Variants in CTNNA3 observed in about 807,000 individuals in gnomAD.
CTNNA3 encodes the protein catenin alpha-3.
In CTNNA3, 76 loss-of-function variants were observed where a neutral mutation model predicts 95.7. The ratio of observed to expected loss-of-function variants is 0.79; its 90% CI spans 0.66 to 0.96. The LOEUF (loss-of-function observed/expected upper bound fraction) is 0.96, where lower values mean the gene tolerates loss of function less well. Ranked by LOEUF, CTNNA3 falls within the 40% of genes least tolerant of loss-of-function variation. CTNNA3 has a pLI of 0.00. For synonymous variants in CTNNA3, 431 were observed against 374.4 expected (o/e 1.15, Z -1.74); for missense variants, 1,191 against 1,089.8 (o/e 1.09, Z -1.31).
intron 15 of CTNNA3, among the ~76,000 whole-genome samples, chr10:66,028,634 T>C (rs1281840159): frequency 2.6e-5 from 4 of 152,014 alleles, no homozygotes; most frequent in Non-Finnish European, 5.9e-5. Context: ...TTAGGAGATA[T>C]ACCTAATGTA....
intron 13 of CTNNA3, among the ~76,000 whole-genome samples, chr10:66,206,693 T>G (rs1589729467): frequency 6.6e-6 from 1 of 151,942 alleles, no homozygotes; most frequent in African/African-American, 2.4e-5. Context: ...ATCTACACTC[T>G]TAGAAGATTT....
chr10:66,384,443 A>T (rs1419705414), intron 11 of CTNNA3, among the ~76,000 whole-genome samples: 1 of 152,190 alleles, frequency 6.6e-6, no homozygotes, highest in East Asian at 1.9e-4. Flanking sequence ...TCATAAAGCA[A>T]GTCCTTAGAG....
chr10:66,351,545 T>G (rs771072470), intron 12 of CTNNA3, among the ~76,000 whole-genome samples: 2 of 152,082 alleles, frequency 1.3e-5, no homozygotes, highest in East Asian at 3.8e-4. Flanking sequence ...ATGAGATTCA[T>G]AATTTTACTG....
At chr10:66,983,008 A>C (rs911175957) in intron 7 of CTNNA3, among the ~76,000 whole-genome samples, 1 of 152,188 alleles carries the variant, frequency 6.6e-6, no homozygotes, top group Non-Finnish European at 1.5e-5. Context: ...GAAATGCACT[A>C]ATGAGCAGAA....
intron 7 of CTNNA3, among the ~76,000 whole-genome samples, chr10:66,793,901 A>G (rs564251435): frequency 2.0e-5 from 3 of 152,248 alleles, no homozygotes; most frequent in South Asian, 4.1e-4. Context: ...TCCATACTGG[A>G]ATTATATCAG....
intron 10 of CTNNA3, among the ~76,000 whole-genome samples, chr10:66,595,190 G>A (rs193261576): frequency 1.7e-4 from 26 of 151,978 alleles, no homozygotes; most frequent in Non-Finnish European, 2.9e-4. Context: ...AAGAATAGAC[G>A]CATTAAAAAG....
At chr10:66,677,516 A>G (rs1411926710) in intron 9 of CTNNA3, among the ~76,000 whole-genome samples, 1 of 152,096 alleles carries the variant, frequency 6.6e-6, no homozygotes, top group African/African-American at 2.4e-5. Context: ...TAGCACCCAT[A>G]ATTCCCACAT....
At chr10:66,870,744 T>C (rs1173292502) in intron 7 of CTNNA3, among the ~76,000 whole-genome samples, 5 of 152,196 alleles carry the variant, frequency 3.3e-5, no homozygotes, top group Admixed American at 6.5e-5. Context: ...ACTAAGTGTA[T>C]CAGAAGCCAT....
intron 11 of CTNNA3, among the ~76,000 whole-genome samples, chr10:66,396,498 C>A (rs1295398442): frequency 2.0e-5 from 3 of 152,014 alleles, no homozygotes; most frequent in African/African-American, 7.2e-5. Context: ...TGGGCATCCA[C>A]ATGAAAGTGA....
chr10:66,108,148 T>A (rs554783803), intron 13 of CTNNA3, among the ~76,000 whole-genome samples: 1 of 151,948 alleles, frequency 6.6e-6, no homozygotes, highest in Non-Finnish European at 1.5e-5. Context: ...AATGGAGAGA[T>A]CACAATTAAA....
intron 13 of CTNNA3, among the ~76,000 whole-genome samples, chr10:66,270,232 G>C (rs879816179): frequency 4.6e-5 from 7 of 151,204 alleles, no homozygotes; most frequent in Non-Finnish European, 7.4e-5. Context: ...TTTGGGGGGG[G>C]GGGCAGGGTC....
At chr10:67,628,595 T>C (rs1261922003) in intron 2 of CTNNA3, among the ~76,000 whole-genome samples, 1 of 152,176 alleles carries the variant, frequency 6.6e-6, no homozygotes, top group Non-Finnish European at 1.5e-5. Flanking sequence ...TATTAAATTA[T>C]ATGGGAAGAA....
chr10:66,600,198 G>C (rs908913164), intron 10 of CTNNA3, among the ~76,000 whole-genome samples: 1 of 151,648 alleles, frequency 6.6e-6, no homozygotes, highest in African/African-American at 2.4e-5. Flanking sequence ...CCGATATTCA[G>C]AAAAATGGTT....
chr10:67,048,490 A>G (rs1335086929), intron 7 of CTNNA3, among the ~76,000 whole-genome samples: 1 of 152,142 alleles, frequency 6.6e-6, no homozygotes, highest in African/African-American at 2.4e-5. Context: ...GCAAAATAGG[A>G]ATACAGGAAA....
intron 13 of CTNNA3, among the ~76,000 whole-genome samples, chr10:66,136,603 T>C (rs1480561596): frequency 6.6e-6 from 1 of 152,118 alleles, no homozygotes; most frequent in Non-Finnish European, 1.5e-5. Context: ...ATCAGTATCA[T>C]AAACCATGTT....
chr10:66,154,807 C>T (rs2084404142), intron 13 of CTNNA3, among the ~76,000 whole-genome samples: 1 of 145,018 alleles, frequency 6.9e-6, no homozygotes, highest in South Asian at 2.2e-4. Flanking sequence ...TTAACACTCA[C>T]TAGAAAGCAA....
chr10:67,434,131 T>C (rs935466687), intron 5 of CTNNA3, among the ~76,000 whole-genome samples: 3 of 152,202 alleles, frequency 2.0e-5, no homozygotes, highest in Admixed American at 1.3e-4. Context: ...GACTATTTTT[T>C]AATATATTCC....
intron 1 of CTNNA3, among the ~76,000 whole-genome samples, chr10:67,727,268 G>A (rs1306840858): frequency 7.8e-6 from 1 of 128,052 alleles, no homozygotes; most frequent in Non-Finnish European, 1.6e-5. Flanking sequence ...TATGTAAACT[G>A]TACCTTCCTC....
chr10:66,837,557 A>C (rs1029879172), intron 7 of CTNNA3: 2 of 152,144 alleles, frequency 1.3e-5, no homozygotes, highest in African/African-American at 4.8e-5. Context: ...AGCCAGAACA[A>C]AATTAAAGCA....
Sources: gnomAD v4.1 joint callset for allele counts (sites outside exome capture counted in the v4.1 genomes callset) on GRCh38, gnomAD v4.1.1 for gene constraint, MANE v1.5 for transcripts, NCBI Gene and HGNC (gene_info 2026-07-23, HGNC 2026-07-21) for gene names.